The following VIPR2 variants were observed in gnomAD, a reference collection of about 807,000 sequenced individuals.
VIPR2 encodes vasoactive intestinal polypeptide receptor 2.
In VIPR2, 48 loss-of-function variants were observed where a neutral mutation model predicts 58.0. The ratio of observed to expected loss-of-function variants is 0.83; its 90% confidence interval spans 0.66 to 1.05. The LOEUF is 1.05. Ranked by LOEUF, VIPR2 falls within the 50% of genes least tolerant of loss-of-function variation. The probability of loss-of-function intolerance (pLI) is 0.00; values close to 1 mark genes in which losing one functional copy is unlikely to be tolerated. For synonymous variants in VIPR2, 243 were observed against 235.2 expected, an observed-to-expected ratio of 1.03 and a Z score of -0.30; for missense variants, 534 against 558.0, an observed-to-expected ratio of 0.96 and a Z score of 0.43.
chr7:159,110,614 A>G (rs775877756), intron 2 of VIPR2, among the ~76,000 whole-genome samples: 32 of 152,154 alleles, frequency 2.1e-4, no homozygotes, highest in Non-Finnish European at 3.4e-4. Context: ...CATGGTATTT[A>G]TACTATATTT....
In VIPR2 at chr7:159,114,504, GCTCTGAAAAGTGGAAAATGTATCAATAGA is replaced by G. The variant is rs536982193; in HGVS notation, c.152-4614_152-4586del. On this transcript the variant is annotated intron_variant, in intron 2 of 12. Coordinates refer to ENST00000262178, the MANE Select transcript of VIPR2 (RefSeq NM_003382.5). ...GATGGTGATCATAAAATCAAAGGTC[GCTCTGAAAAGTGGAAAATGTATCAATAGA>G]CTCTGAAAAGTTACTTGGTAAAATT... is the stretch of plus-strand genomic sequence containing the variant. Among the ~76,000 whole-genome samples the G allele has an allele frequency of 2.9e-4, 44 of 152,270 alleles. No homozygotes were observed. The South Asian group carries it at 9.1e-3, about 32-fold the overall frequency.
intron 6 of VIPR2, among the ~76,000 whole-genome samples, chr7:159,041,191 C>T (rs1854306614): frequency 2.0e-5 from 3 of 152,264 alleles, no homozygotes; most frequent in Non-Finnish European, 4.4e-5. Context: ...AACAGCCCGG[C>T]ATTTACAGGA....
chr7:159,133,317 AC>A (rs1403467355), intron 2 of VIPR2, among the ~76,000 whole-genome samples: 1 of 152,304 alleles, frequency 6.6e-6, no homozygotes, highest in East Asian at 1.9e-4. Context: ...AATAAAGCTG[AC>A]CCCGGACAAC....
intron 2 of VIPR2, among the ~76,000 whole-genome samples, chr7:159,123,288 TAAAAAAAAA>T (rs370294230): frequency 2.7e-5 from 2 of 72,884 alleles, no homozygotes; most frequent in African/African-American, 1.0e-4. Context: ...CAAGACTCTG[TAAAAAAAAA>T]AAAAAAAAAA....
intron 5 of VIPR2, among the ~76,000 whole-genome samples, chr7:159,045,485 G>C (rs907515715): frequency 2.6e-5 from 4 of 152,196 alleles, no homozygotes; most frequent in African/African-American, 4.8e-5. Context: ...GGAAAGAATA[G>C]TCTTTTTAAC....
At chr7:159,094,492 C>T (rs1225633297) in intron 4 of VIPR2, among the ~76,000 whole-genome samples, 1 of 152,222 alleles carries the variant, frequency 6.6e-6, no homozygotes, top group Non-Finnish European at 1.5e-5. Flanking sequence ...GCCACGTGCA[C>T]AGGCACCGGA....
At chr7:159,124,393 T>C (rs1013038342) in intron 2 of VIPR2, among the ~76,000 whole-genome samples, 2 of 152,206 alleles carry the variant, frequency 1.3e-5, no homozygotes, top group African/African-American at 4.8e-5. Context: ...ACCATTTAAT[T>C]GAATAGGGAG....
chr7:159,064,967 C>T (rs984574252), intron 4 of VIPR2, among the ~76,000 whole-genome samples: 12 of 152,198 alleles, frequency 7.9e-5, no homozygotes, highest in African/African-American at 2.7e-4. Context: ...CTACCGAGAA[C>T]CTGCCCACCT....
intron 4 of VIPR2, among the ~76,000 whole-genome samples, chr7:159,061,653 A>C (rs1855660561): frequency 8.0e-6 from 1 of 124,824 alleles, no homozygotes; most frequent in Non-Finnish European, 1.9e-5. Flanking sequence ...GACCTGTCGC[A>C]AAAAAAAAAG....
rs1438494395 is a variant in VIPR2 at position 159,093,245 on chromosome 7, T to C, written c.357+10512A>G. Among the ~76,000 whole-genome samples, 1 of 152,212 alleles carries C rather than the reference T, an allele frequency of 6.6e-6. No individual in the cohort carries two copies. The highest frequency in any genetic ancestry group is 1.5e-5 in the Non-Finnish European group (1 of 68,036). ...CACTGTAGACTTTGAGAACTTTGTG[T>C]GCTCATTTACTTTTCCTTAGGTTGA... is the stretch of plus-strand genomic sequence containing the variant. On this transcript the variant is annotated intron_variant, in intron 4 of 12. Transcript: ENST00000262178. This position sits in a 1 kb window ranked among gnomAD's most constrained non-coding sequence, Gnocchi z 6.7.
Position 159,142,454 on chromosome 7 carries a change from T to G in VIPR2, c.143A>C (p.Lys48Thr). ...CAELLRSQTE[K>T]HKACSGVWDN... ...CCAAGCCTCTGCCTTACCTTTGTGT[T>G]TTTCTGTTTGAGACCTCAGAAGCTC... Residue 48 changes from lysine (K) to threonine (T), a missense_variant, in exon 2 of 13, where the codon AAA becomes ACA. Physicochemically the swap from Lys to Thr is moderately conservative, Grantham distance 78 (BLOSUM62 -1). Around this residue, in one of 3 missense-constraint regions of VIPR2, gnomAD observed 224 missense variants for 255.7 expected, o/e 0.88. Coordinates refer to ENST00000262178, the MANE Select transcript of VIPR2 (RefSeq NM_003382.5). 6.2e-7 allele frequency: 1 copy of G among 1,613,752 alleles called. No individual in the cohort carries two copies. Among genetic ancestry groups the G allele is most frequent in the Non-Finnish European group, 8.5e-7 (1 of 1,179,760 alleles).
chr7:159,096,790 G>A lies in VIPR2; in HGVS notation c.357+6967C>T, dbSNP rs527938189. On this transcript the variant is annotated intron_variant, in intron 4 of 12. Coordinates refer to ENST00000262178, the MANE Select transcript of VIPR2 (RefSeq NM_003382.5). The surrounding 1 kb of genome is among the most constrained non-coding windows in gnomAD (Gnocchi z 5.5). ...TCTGCCCCTGCCTGAGGTCAGTCTC[G>A]TGGCCCCCGCAGCAGCCACAGGCCC... 81 of 1,422,654 alleles carry A rather than the reference G, an allele frequency of 5.7e-5. No homozygotes were observed. The highest frequency in any genetic ancestry group is 6.2e-5 in the Non-Finnish European group (67 of 1,082,156). The allele number at this position is 1,422,654 out of a possible 1,614,324, so 88.1% of individuals were successfully genotyped here. A position where few individuals can be genotyped will look rare whatever the true frequency, so the allele number is the denominator to read the frequency against.
chr7:159,119,921 G>A (rs1334918930), intron 2 of VIPR2, among the ~76,000 whole-genome samples: 1 of 151,140 alleles, frequency 6.6e-6, no homozygotes, highest in African/African-American at 2.5e-5. Context: ...CACAAAGCCT[G>A]GTAGGTGGGG....
intron 2 of VIPR2, among the ~76,000 whole-genome samples, chr7:159,118,413 G>C (rs558312722): frequency 6.6e-6 from 1 of 152,290 alleles, no homozygotes; most frequent in African/African-American, 2.4e-5. Flanking sequence ...TCCATCTCAG[G>C]GAACGAGCTT....
chr7:159,075,668 C>G (rs1340613301), intron 4 of VIPR2, among the ~76,000 whole-genome samples: 2 of 149,578 alleles, frequency 1.3e-5, no homozygotes, highest in Admixed American at 6.7e-5. Flanking sequence ...CCTGCCACAT[C>G]AGGGAGTAGC....
chr7:159,034,107 C>T (rs1387251819), intron 10 of VIPR2, 106 bp downstream of exon 10: 22 of 1,065,288 alleles, frequency 2.1e-5, no homozygotes, highest in East Asian at 5.2e-5. Flanking sequence ...GTGACAGTGG[C>T]GGAGGCGGAG....
intron 2 of VIPR2, among the ~76,000 whole-genome samples, chr7:159,112,086 A>G (rs558234918): frequency 4.8e-4 from 73 of 152,382 alleles, no homozygotes; most frequent in African/African-American, 1.7e-3. Flanking sequence ...CAATAATTAT[A>G]TACTGTATAA....
At chr7:159,140,692 G>A (rs1171716170) in intron 2 of VIPR2, among the ~76,000 whole-genome samples, 2 of 152,192 alleles carry the variant, frequency 1.3e-5, no homozygotes, top group Non-Finnish European at 2.9e-5. Flanking sequence ...AGGGGCTCTC[G>A]GGCCTGCATA....
Position 159,039,477 on chromosome 7 carries a change from A to AAAAACAAAAC in VIPR2, c.598-2585_598-2576dup, listed in dbSNP as rs534378007. On this transcript the variant is annotated intron_variant, in intron 6 of 12. Coordinates refer to ENST00000262178, the MANE Select transcript of VIPR2 (RefSeq NM_003382.5). The stretch of plus-strand genomic sequence containing the variant: ...TGGAAAACAGAGTGAGTCTGTGTCA[A>AAAAACAAAAC]AAAACAAAACAAAACAAAACAAAAA... 6.7e-3 allele frequency among the ~76,000 whole-genome samples: 1,023 copies of AAAAACAAAAC among 152,282 alleles called. 9 individuals are homozygous for AAAAACAAAAC. The highest frequency in any genetic ancestry group is 0.02 in the African/African-American group (824 of 41,532).
Sources: allele counts gnomAD v4.1 joint callset (sites outside exome capture counted in the v4.1 genomes callset), GRCh38; gene constraint gnomAD v4.1.1; regional missense constraint gnomAD v4.1.1; non-coding constraint Gnocchi (gnomAD v3.1); transcripts MANE v1.5; gene names NCBI Gene and HGNC (gene_info 2026-07-23, HGNC 2026-07-21).